Variants in LINC00305 observed in about 807,000 individuals in gnomAD.
LINC00305 encodes the protein long independently transcribed non-coding RNA 305.
chr18:64,092,514 A>T (rs1008801091), intron 3 of LINC00305, among the ~76,000 whole-genome samples: 1 of 151,808 alleles, frequency 6.6e-6, no homozygotes, highest in African/African-American at 2.4e-5. Flanking sequence ...CTGAGCCGAG[A>T]TCACACCACT....
chr18:64,112,277 G>A (rs187961736), intron 1 of LINC00305, among the ~76,000 whole-genome samples: 7 of 148,256 alleles, frequency 4.7e-5, no homozygotes, highest in South Asian at 2.1e-4. Flanking sequence ...GCCCATTAGC[G>A]ACTACACGCT....
chr18:64,087,911 A>C (rs2051209543), intron 3 of LINC00305, among the ~76,000 whole-genome samples: 2 of 151,760 alleles, frequency 1.3e-5, no homozygotes. Context: ...CTAACACAGT[A>C]AAACCCCATC....
At chr18:64,119,854 G>A (rs1425320939) in intron 1 of LINC00305, among the ~76,000 whole-genome samples, 2 of 152,028 alleles carry the variant, frequency 1.3e-5, no homozygotes, top group African/African-American at 4.8e-5. Context: ...TTTCTCTTAT[G>A]AGAGTCTTGG....
intron 1 of LINC00305, among the ~76,000 whole-genome samples, chr18:64,102,652 G>A (rs1361144161): frequency 6.6e-6 from 1 of 152,124 alleles, no homozygotes. Context: ...GGTTCTGCAG[G>A]CTATATAGGA....
At chr18:64,146,726 T>C (rs568855604) in intron 1 of LINC00305, among the ~76,000 whole-genome samples, 1 of 152,246 alleles carries the variant, frequency 6.6e-6, no homozygotes, top group South Asian at 2.1e-4. Context: ...CACTAGAAAG[T>C]AGAATGCTGT....
At position 64,107,975 on chromosome 18, in the gene LINC00305, G is replaced by T. The variant is rs2051298403; in HGVS notation, n.315-9335C>A. On this transcript the variant is annotated intron_variant and non_coding_transcript_variant, in intron 1 of 3. Transcript: ENST00000666468. ...GTAACTATGGAGAGAATGAGCACAA[G>T]CAGGGGAGCTGAGACAAGGCAGGCA... is the stretch of plus-strand genomic sequence containing the variant. 2.0e-5 allele frequency among the ~76,000 whole-genome samples: 3 copies of T among 152,306 alleles called. No individual in the cohort carries two copies. In the South Asian group the frequency reaches 6.2e-4, roughly 32 times the overall value.
chr18:64,096,621 C>A (rs1452867204), intron 3 of LINC00305, among the ~76,000 whole-genome samples: 2 of 151,712 alleles, frequency 1.3e-5, no homozygotes, highest in African/African-American at 4.8e-5. Context: ...TTACAGTATA[C>A]AACAAAGTTA....
chr18:64,122,060 G>A (rs2051364408), intron 1 of LINC00305, among the ~76,000 whole-genome samples: 1 of 151,882 alleles, frequency 6.6e-6, no homozygotes, highest in South Asian at 2.1e-4. Flanking sequence ...TGAGTTGTTT[G>A]AACTTCTTGT....
chr18:64,107,007 G>GA (rs1407829683), intron 1 of LINC00305, among the ~76,000 whole-genome samples: 2 of 152,250 alleles, frequency 1.3e-5, no homozygotes, highest in African/African-American at 4.8e-5. Flanking sequence ...GGGTATAATT[G>GA]ATGTGCACCA....
At position 64,143,673 on chromosome 18, in the gene LINC00305, CAT is replaced by C. The variant is rs1307442938; in HGVS notation, n.314+5100_314+5101del. On this transcript the variant is annotated intron_variant and non_coding_transcript_variant, in intron 1 of 3. Transcript: ENST00000666468. ...TATGTATGTACACGTATTATGTATA[CAT>C]ATGTATGTCCACATATTATGCGTAC... 3.6e-3 allele frequency among the ~76,000 whole-genome samples: 445 copies of C among 124,130 alleles called. 19 individuals carry two copies. Among genetic ancestry groups the C allele is most frequent in the African/African-American group, 0.011 (315 of 28,888 alleles). The allele number at this position is 124,130 out of a possible 152,430, so 81.4% of individuals were successfully genotyped here. A position where few individuals can be genotyped will look rare whatever the true frequency, so the allele number is the denominator to read the frequency against.
chr18:64,098,628 G>T, exon 2 of LINC00305: 1 of 428,784 alleles, frequency 2.3e-6, no homozygotes, highest in Non-Finnish European at 4.7e-6. Flanking sequence ...GGTGGAACCA[G>T]ATAATTTCCA....
At chr18:64,091,303 T>C (rs1333894277) in intron 3 of LINC00305, among the ~76,000 whole-genome samples, 1 of 152,216 alleles carries the variant, frequency 6.6e-6, no homozygotes, top group East Asian at 1.9e-4. Flanking sequence ...CCAAACATCA[T>C]GTGTTCACCT....
chr18:64,105,976 G>C (rs1324311561), intron 1 of LINC00305, among the ~76,000 whole-genome samples: 1 of 152,184 alleles, frequency 6.6e-6, no homozygotes, highest in Non-Finnish European at 1.5e-5. Flanking sequence ...GCCATACCTG[G>C]GTGCTACCCT....
chr18:64,108,889 A>G (rs1381492543), intron 1 of LINC00305, among the ~76,000 whole-genome samples: 1 of 152,224 alleles, frequency 6.6e-6, no homozygotes, highest in Non-Finnish European at 1.5e-5. Flanking sequence ...GAACCTGGAG[A>G]AAAAGAAAGA....
intron 1 of LINC00305, among the ~76,000 whole-genome samples, chr18:64,118,019 A>G (rs1284919063): frequency 6.6e-6 from 1 of 152,170 alleles, no homozygotes; most frequent in East Asian, 1.9e-4. Flanking sequence ...TTTTCTAATA[A>G]TAAGATAGAG....
intron 1 of LINC00305, among the ~76,000 whole-genome samples, chr18:64,103,549 T>G (rs2051276480): frequency 6.6e-6 from 1 of 152,194 alleles, no homozygotes; most frequent in Non-Finnish European, 1.5e-5. Context: ...TCCAAGGGCT[T>G]TGTTTCTTTC....
intron 3 of LINC00305, among the ~76,000 whole-genome samples, chr18:64,092,281 G>A (rs1458837245): frequency 6.6e-6 from 1 of 152,178 alleles, no homozygotes; most frequent in Non-Finnish European, 1.5e-5. Flanking sequence ...TTGCTGACTA[G>A]GCCAGGCATG....
chr18:64,143,620 ATATGTATGTACACG>A, intron 1 of LINC00305, among the ~76,000 whole-genome samples: 1 of 127,706 alleles, frequency 7.8e-6, no homozygotes, highest in African/African-American at 3.2e-5. Context: ...ATATGTACAC[ATATGTATGTACACG>A]TATTATGTAT....
intron 3 of LINC00305, among the ~76,000 whole-genome samples, chr18:64,086,396 A>G (rs994744017): frequency 2.0e-5 from 3 of 152,202 alleles, no homozygotes; most frequent in Admixed American, 6.5e-5. Flanking sequence ...AACAGGAAAA[A>G]CAATATGGAT....
Sources: allele counts gnomAD v4.1 joint callset (sites outside exome capture counted in the v4.1 genomes callset), GRCh38; gene constraint gnomAD v4.1.1; transcripts MANE v1.5; gene names NCBI Gene and HGNC (gene_info 2026-07-23, HGNC 2026-07-21).